Variants in ZNF560 observed in about 807,000 individuals in gnomAD.
ZNF560 encodes zinc finger protein 560.
ZNF560 carries 54 observed loss-of-function variants against 81.8 expected under a neutral mutation model. The observed-to-expected ratio is 0.66, with a 90% CI of 0.53 to 0.83. ZNF560 has a LOEUF of 0.83. ZNF560 is among the 40% of genes least tolerant of loss of function. The probability of loss-of-function intolerance (pLI) is 0.00; values close to 1 mark genes in which losing one functional copy is unlikely to be tolerated. For synonymous variants in ZNF560, 321 were observed against 317.9 expected (o/e 1.01, Z -0.10); for missense variants, 940 against 932.4 (o/e 1.01, Z -0.11).
chr19:9,449,426 G>A, the ZNF560 span, among the ~76,000 whole-genome samples: 1 of 152,048 alleles, frequency 6.6e-6, no homozygotes, highest in South Asian at 2.1e-4. Flanking sequence ...AATTAAGGTG[G>A]AAATTTAAAA....
At chr19:9,458,814 C>T in the ZNF560 span, among the ~76,000 whole-genome samples, 113 of 152,304 alleles carry the variant, frequency 7.4e-4, no homozygotes, top group Non-Finnish European at 1.1e-3. Context: ...TATTAACCAG[C>T]GATGCCCAAC....
the ZNF560 span, among the ~76,000 whole-genome samples, chr19:9,446,712 C>G: frequency 6.6e-6 from 1 of 152,170 alleles, no homozygotes; most frequent in Non-Finnish European, 1.5e-5. Context: ...CAGTCGATTA[C>G]ACATTACACA....
chr19:9,502,657 G>A (rs1019144559), upstream of ZNF560, among the ~76,000 whole-genome samples: 1 of 152,160 alleles, frequency 6.6e-6, no homozygotes, highest in Non-Finnish European at 1.5e-5. Context: ...TAGGTCTCTT[G>A]AGATTTTTCA....
chr19:9,452,970 A>G, the ZNF560 span, among the ~76,000 whole-genome samples: 1 of 152,226 alleles, frequency 6.6e-6, no homozygotes, highest in Admixed American at 6.5e-5. Flanking sequence ...ATAGAACACT[A>G]TAGACTGAAC....
intron 2 of ZNF560, among the ~76,000 whole-genome samples, chr19:9,486,319 C>T (rs1217015691): frequency 6.6e-6 from 1 of 152,178 alleles, no homozygotes; most frequent in Non-Finnish European, 1.5e-5. Flanking sequence ...CAAAGCATGA[C>T]ACAGCAATAC....
At chr19:9,445,927 T>C in the ZNF560 span, among the ~76,000 whole-genome samples, 1 of 152,150 alleles carries the variant, frequency 6.6e-6, no homozygotes, top group Non-Finnish European at 1.5e-5. Flanking sequence ...GCTCTCAAAG[T>C]CTATGGTATG....
chr19:9,492,136 A>G (rs2144726744), intron 2 of ZNF560, among the ~76,000 whole-genome samples: 1 of 151,704 alleles, frequency 6.6e-6, no homozygotes, highest in South Asian at 2.1e-4. Context: ...ATGTATCATC[A>G]AGCCTGGCTA....
the ZNF560 span, among the ~76,000 whole-genome samples, chr19:9,506,131 TAC>T: frequency 6.6e-6 from 1 of 151,844 alleles, no homozygotes; most frequent in East Asian, 1.9e-4. Context: ...TAACTGGGAT[TAC>T]AGGTACGCAC....
At chr19:9,492,011 C>A (rs1270997283) in intron 2 of ZNF560, among the ~76,000 whole-genome samples, 1 of 149,610 alleles carries the variant, frequency 6.7e-6, no homozygotes, top group African/African-American at 2.5e-5. Flanking sequence ...GGACAGGTCT[C>A]ACTCTGTCAC....
chr19:9,468,003 C>T lies in ZNF560; in HGVS notation c.944G>A (p.Ser315Asn), dbSNP rs1474451498. Residue 315 changes from serine (S) to asparagine (N), a missense_variant, in exon 10 of 10, where the codon AGT becomes AAT. Transcript: ENST00000301480. ...SYLEAHRKTQ[S>N]GEKLNEWKQC... ...CTTCCATTCATTGAGTTTTTCTCCACTCTGAGTTTTCCTGTGTGCTTCAAG... is the reference window on the plus strand; with the variant it reads ...CTTCCATTCATTGAGTTTTTCTCCATTCTGAGTTTTCCTGTGTGCTTCAAG... 3 of 1,613,996 alleles carry T rather than the reference C, an allele frequency of 1.9e-6. No individual in the cohort carries two copies. In the African/African-American group the frequency reaches 4.0e-5, roughly 22 times the overall value.
At chr19:9,468,564 A>T (rs2073070981) in intron 9 of ZNF560, among the ~76,000 whole-genome samples, 1 of 152,170 alleles carries the variant, frequency 6.6e-6, no homozygotes, top group Non-Finnish European at 1.5e-5. Flanking sequence ...AGTTATTTTA[A>T]AAACTCAAAT....
intron 2 of ZNF560, among the ~76,000 whole-genome samples, chr19:9,485,428 A>G (rs550205703): frequency 6.6e-6 from 1 of 151,470 alleles, no homozygotes; most frequent in Non-Finnish European, 1.5e-5. Context: ...GAATCATATG[A>G]TCTTGTCAAC....
chr19:9,468,208 A>G lies in ZNF560; in HGVS notation c.739T>C (p.Tyr247His). 1 of 1,614,172 alleles carries G rather than the reference A, an allele frequency of 6.2e-7. No individual in the cohort carries two copies. The highest frequency in any genetic ancestry group is 8.5e-7 in the Non-Finnish European group (1 of 1,180,010). Residue 247 changes from tyrosine (Y) to histidine (H), a missense_variant, in exon 10 of 10, where the codon TAT becomes CAT. By Grantham distance (83) the Tyr-to-His change is moderately conservative (BLOSUM62 2). Coordinates refer to ENST00000301480, the MANE Select transcript of ZNF560 (RefSeq NM_152476.3). ...NRGNTSECIQYAKDLLSLYNK... is the reference protein window; with the variant it reads ...NRGNTSECIQHAKDLLSLYNK... ...TATAGAGAAAGGAGGTCTTTTGCAT[A>G]CTGAATACATTCAGACGTGTTGCCT...
intron 2 of ZNF560, among the ~76,000 whole-genome samples, chr19:9,488,288 C>T (rs985442611): frequency 1.3e-5 from 2 of 152,154 alleles, no homozygotes; most frequent in Admixed American, 6.5e-5. Flanking sequence ...TTAGACTTTC[C>T]AACCAGCAGA....
rs2073183615 is a variant in ZNF560, at chr19:9,475,331, T to C, written c.-18A>G. The C allele has an allele frequency of 1.2e-6, 2 of 1,613,516 alleles. No individual in the cohort carries two copies. Among genetic ancestry groups the C allele is most frequent in the Admixed American group, 1.7e-5 (1 of 59,976 alleles). On this transcript the variant is annotated 5_prime_UTR_variant, in exon 3 of 10. Transcript: ENST00000301480. ...TAAGCCATCTTCCTTTCTGCCTCTG[T>C]CTTTTCTTCATGAAGGCAGATTGGG...
downstream of ZNF560, among the ~76,000 whole-genome samples, chr19:9,463,454 A>C (rs1031802639): frequency 1.3e-5 from 2 of 152,160 alleles, no homozygotes; most frequent in Admixed American, 1.3e-4. Context: ...AATAACCTAT[A>C]GGTTTTATTT....
At chr19:9,465,446 A>C (rs80194910), downstream of ZNF560, among the ~76,000 whole-genome samples, 102 of 152,210 alleles carry the variant, frequency 6.7e-4, no homozygotes, top group East Asian at 0.018. Flanking sequence ...CCAGCTCTCT[A>C]TGTTTCTAAC....
At chr19:9,455,999 A>C in the ZNF560 span, among the ~76,000 whole-genome samples, 1 of 152,336 alleles carries the variant, frequency 6.6e-6, no homozygotes, top group South Asian at 2.1e-4. Flanking sequence ...CCTGAAGTGT[A>C]AAAAAGGAAA....
rs991751679 is a variant in ZNF560 at position 9,474,095 on chromosome 19, C to A, written c.157+104G>T. 135 of 1,316,622 alleles carry A rather than the reference C, an allele frequency of 1.0e-4. 1 individual carries two copies. Among genetic ancestry groups the A allele is most frequent in the Non-Finnish European group, 3.3e-5 (30 of 921,016 alleles). The allele number at this position is 1,316,622 out of a possible 1,614,324, so 81.6% of individuals were successfully genotyped here. On this transcript the variant is annotated intron_variant, in intron 4 of 9. Coordinates refer to ENST00000301480, the MANE Select transcript of ZNF560 (RefSeq NM_152476.3). ...TTAAGACCTATTATGGCAGGGACAA[C>A]GTCTCTGGTGAATTCAGTGTTGAAC...
Sources: gnomAD v4.1 joint callset for allele counts (sites outside exome capture counted in the v4.1 genomes callset) on GRCh38, gnomAD v4.1.1 for gene constraint, MANE v1.5 for transcripts, NCBI Gene and HGNC (gene_info 2026-07-23, HGNC 2026-07-21) for gene names.